The following ANXA11 variants were observed in gnomAD, a reference collection of about 807,000 sequenced individuals.
ANXA11 encodes the protein annexin A11, also known as 56 kDa autoantigen.
ANXA11 carries 57 observed loss-of-function variants against 64.7 expected under a neutral mutation model. That is an observed-to-expected ratio of 0.88 (90% CI 0.71 to 1.10). The LOEUF is 1.10. Ranked by LOEUF, ANXA11 falls within the 50% of genes least tolerant of loss-of-function variation. The pLI is 0.00. For missense variants in ANXA11, 675 were observed against 670.7 expected (o/e 1.01, Z -0.07); for synonymous variants, 260 against 265.2 (o/e 0.98, Z 0.19).
chr10:80,159,257 G>A, intron 12 of ANXA11, 62 bp from the exon 13 acceptor site: 1 of 1,359,304 alleles, frequency 7.4e-7, no homozygotes, highest in Non-Finnish European at 1.1e-6. Flanking sequence ...GTTCATATGT[G>A]GAAGTCCCAA....
rs56904277 is a variant in ANXA11, at chr10:80,166,042, G to GCACA, written c.858+38_858+41dup. 8.1e-3 allele frequency: 3,668 copies of GCACA among 450,230 alleles called. 7 individuals are homozygous for GCACA. The highest frequency in any genetic ancestry group is 0.026 in the South Asian group (1,177 of 45,012). The allele number at this position is 450,230 out of a possible 1,614,324, so 27.9% of individuals were successfully genotyped here. On this transcript the variant is annotated intron_variant, in intron 8 of 15. Coordinates refer to ENST00000422982, the MANE Select transcript of ANXA11 (RefSeq NM_145868.2). ...CATGCGCGCGTGCGCACACACGCGC[G>GCACA]CACACACACACACACACACACACAC...
intron 12 of ANXA11, 142 bp from the exon 13 acceptor site, chr10:80,159,337 G>C (rs1248551452): frequency 1.4e-5 from 9 of 660,482 alleles, no homozygotes; most frequent in Admixed American, 2.4e-5. Context: ...GTTAAAACAT[G>C]CTGCTAGGGT....
At chr10:80,165,568 TAGG>T (rs892456043) in intron 8 of ANXA11, among the ~76,000 whole-genome samples, 3 of 152,106 alleles carry the variant, frequency 2.0e-5, no homozygotes, top group Admixed American at 2.0e-4. Flanking sequence ...GCAGCCATGG[TAGG>T]AGAAGCACAG....
In ANXA11 at chr10:80,176,124, C is replaced by T. The variant is rs1846160489; in HGVS notation, c.-26G>A. The stretch of plus-strand genomic sequence containing the variant: ...TGACATACCTTTGACTCAGCAACTC[C>T]ACTTCTGTAAGTCTCTTCCCCAGAC... On this transcript the variant is annotated 5_prime_UTR_variant, in exon 2 of 16. Coordinates refer to ENST00000422982, the MANE Select transcript of ANXA11 (RefSeq NM_145868.2). The T allele has an allele frequency of 6.6e-6, 1 of 152,180 alleles. No homozygotes were observed. Among genetic ancestry groups the T allele is most frequent in the South Asian group, 2.1e-4 (1 of 4,828 alleles). 9.4% of individuals were successfully genotyped at this position (152,180 alleles called of 1,614,324 possible). A position where few individuals can be genotyped will look rare whatever the true frequency, so the allele number is the denominator to read the frequency against.
At chr10:80,180,832 G>A (rs768612079) in intron 1 of ANXA11, 4 of 152,086 alleles carry the variant, frequency 2.6e-5, no homozygotes, top group Admixed American at 6.5e-5. Context: ...TCTGAGAGGC[G>A]GTACTTTTAA....
In ANXA11 at chr10:80,190,093, T is replaced by A. The variant is rs140715989; in HGVS notation, c.-57-13938A>T. 3.2e-3 allele frequency among the ~76,000 whole-genome samples: 494 copies of A among 152,380 alleles called. 1 individual carries two copies. The highest frequency in any genetic ancestry group is 0.011 in the African/African-American group (464 of 41,594). The stretch of plus-strand genomic sequence containing the variant: ...TTCCTAAGGACAGAAAGTAGACTGC[T>A]GTTGGCCAGGGCTCAGGTAAGAGGG... On this transcript the variant is annotated intron_variant, in intron 1 of 15. Transcript: ENST00000422982.
intron 1 of ANXA11, among the ~76,000 whole-genome samples, chr10:80,184,583 GAGACAGAC>G (rs140303097): frequency 2.0e-5 from 3 of 152,132 alleles, no homozygotes; most frequent in African/African-American, 4.8e-5. Flanking sequence ...ACGAGAGAGA[GAGACAGAC>G]AGACAGACAG....
chr10:80,171,013 A>C, intron 3 of ANXA11, 98 bp from the exon 4 acceptor site: 1 of 1,523,488 alleles, frequency 6.6e-7, no homozygotes, highest in Non-Finnish European at 8.8e-7. Context: ...AGGGAGGCCC[A>C]GTAAAGCCTC....
At chr10:80,163,131 C>A (rs1010149228) in intron 11 of ANXA11, among the ~76,000 whole-genome samples, 4 of 152,206 alleles carry the variant, frequency 2.6e-5, no homozygotes, top group Non-Finnish European at 4.4e-5. Context: ...AATTATCTCA[C>A]ATGTTCCCTC....
chr10:80,157,581 G>C, intron 15 of ANXA11, 60 bp downstream of exon 15: 1 of 1,580,696 alleles, frequency 6.3e-7, no homozygotes, highest in Non-Finnish European at 8.6e-7. Context: ...CAAGGAGGGA[G>C]GTTCCACAGG....
At chr10:80,186,175 T>G (rs1281956649) in intron 1 of ANXA11, among the ~76,000 whole-genome samples, 1 of 152,168 alleles carries the variant, frequency 6.6e-6, no homozygotes, top group Admixed American at 6.5e-5. Context: ...AATACCAAGT[T>G]TGTTCCCATT....
chr10:80,174,100 A>G (rs1314725739), intron 2 of ANXA11, among the ~76,000 whole-genome samples: 1 of 151,862 alleles, frequency 6.6e-6, no homozygotes, highest in Non-Finnish European at 1.5e-5. Context: ...TGTCACCCAG[A>G]CTGGAGTGCA....
chr10:80,168,253 G>GGT (rs1845825382), intron 5 of ANXA11, among the ~76,000 whole-genome samples: 1 of 110,666 alleles, frequency 9.0e-6, no homozygotes. Context: ...TGTCTGTGCC[G>GGT]GGGGGGGCGG....
intron 9 of ANXA11, 143 bp from the exon 10 acceptor site, chr10:80,163,756 C>T (rs1411956816): frequency 3.9e-6 from 3 of 775,940 alleles, no homozygotes; most frequent in Non-Finnish European, 6.3e-6. Context: ...GCCCATATGG[C>T]CCTCCAGGGA....
intron 12 of ANXA11, among the ~76,000 whole-genome samples, chr10:80,159,663 G>C (rs539158108): frequency 6.6e-6 from 1 of 152,126 alleles, no homozygotes; most frequent in Non-Finnish European, 1.5e-5. Flanking sequence ...CACCCTGCAC[G>C]TCCCCAGGCC....
At chr10:80,171,018 A>T (rs1393892498) in intron 3 of ANXA11, 103 bp from the exon 4 acceptor site, 1 of 1,509,992 alleles carries the variant, frequency 6.6e-7, no homozygotes, top group African/African-American at 1.4e-5. Flanking sequence ...GGCCCAGTAA[A>T]GCCTCGAGCC....
chr10:80,167,423 T>A, intron 5 of ANXA11, 110 bp from the exon 6 acceptor site: 1 of 914,664 alleles, frequency 1.1e-6, no homozygotes, highest in Non-Finnish European at 1.7e-6. Context: ...AGAGTTGGAG[T>A]ATCTAAAGGA....
chr10:80,179,916 C>G (rs1227967602), intron 1 of ANXA11, among the ~76,000 whole-genome samples: 1 of 152,218 alleles, frequency 6.6e-6, no homozygotes, highest in Non-Finnish European at 1.5e-5. Context: ...CTTCTTCGGC[C>G]TCTCAAACAT....
intron 15 of ANXA11, chr10:80,156,832 T>A (rs1426905384): frequency 4.4e-6 from 1 of 228,712 alleles, no homozygotes; most frequent in Non-Finnish European, 7.2e-6. Context: ...AACAACAGCT[T>A]CATTCATACA....
Sources: gnomAD v4.1 joint callset for allele counts (sites outside exome capture counted in the v4.1 genomes callset) on GRCh38, gnomAD v4.1.1 for gene constraint, MANE v1.5 for transcripts, NCBI Gene and HGNC (gene_info 2026-07-23, HGNC 2026-07-21) for gene names.